VPS53: variants seen among roughly 807,000 people sequenced by gnomAD.
VPS53 encodes vacuolar protein sorting-associated protein 53 homolog.
VPS53 carries 70 observed loss-of-function variants against 107.0 expected under a neutral mutation model. The ratio of observed to expected loss-of-function variants is 0.65; its 90% CI spans 0.54 to 0.80. The LOEUF (loss-of-function observed/expected upper bound fraction) is 0.80, where lower values mean the gene tolerates loss of function less well. VPS53 is among the 30% of genes least tolerant of loss of function. VPS53 has a pLI of 0.00. For missense variants in VPS53, 917 were observed against 1,049.4 expected (o/e 0.87, Z 1.74); for synonymous variants, 409 against 393.3 (o/e 1.04, Z -0.47).
chr17:581,298 C>T (rs1397869242), intron 13 of VPS53, among the ~76,000 whole-genome samples: 1 of 151,902 alleles, frequency 6.6e-6, no homozygotes, highest in Non-Finnish European at 1.5e-5. Context: ...TCAATGCGTT[C>T]CCAGAGAACC....
intron 15 of VPS53, among the ~76,000 whole-genome samples, chr17:556,355 T>C (rs552337440): frequency 7.9e-5 from 12 of 152,324 alleles, no homozygotes; most frequent in African/African-American, 2.4e-4. Flanking sequence ...TCATTATTGG[T>C]TCATTAATTG....
intron 17 of VPS53, among the ~76,000 whole-genome samples, chr17:545,211 T>C (rs1280570330): frequency 6.6e-6 from 1 of 152,108 alleles, no homozygotes; most frequent in African/African-American, 2.4e-5. Context: ...TTCATCACAT[T>C]TTCCTCCCCC....
At chr17:630,268 G>A (rs8071277) in intron 8 of VPS53, among the ~76,000 whole-genome samples, 3,840 of 151,700 alleles carry the variant, frequency 0.025, 61 homozygotes, top group East Asian at 0.069. Context: ...CTCTAGCCTG[G>A]GCCAAAGAGT....
chr17:544,954 G>A (rs1049977006), intron 17 of VPS53, among the ~76,000 whole-genome samples: 19 of 152,082 alleles, frequency 1.2e-4, no homozygotes, highest in East Asian at 3.9e-4. Flanking sequence ...GGTGGTGTGC[G>A]CCAGTAGTAC....
In VPS53 at chr17:606,785, C is replaced by T. The variant is rs139360449; in HGVS notation, c.1117-4889G>A. The stretch of plus-strand genomic sequence containing the variant: ...TCATATGAGAGGTCTAGGTTGCACA[C>T]TCCTTCTGAGAATCCAATGCCTGAT... On this transcript the variant is annotated intron_variant, in intron 11 of 21. Transcript: ENST00000437048. Among the ~76,000 whole-genome samples the T allele has an allele frequency of 3.9e-5, 6 of 152,200 alleles. No homozygotes were observed. The East Asian group carries it at 1.2e-3, about 30-fold the overall frequency.
intron 5 of VPS53, chr17:657,481 AT>A: frequency 6.8e-7 from 1 of 1,466,488 alleles, no homozygotes; most frequent in Non-Finnish European, 9.5e-7. Flanking sequence ...ACACCGGTCA[AT>A]TTATCCAGCA....
At chr17:686,264 G>A (rs370581420) in intron 4 of VPS53, among the ~76,000 whole-genome samples, 33 of 152,156 alleles carry the variant, frequency 2.2e-4, no homozygotes, top group East Asian at 1.2e-3. Context: ...AGGCTAGAGT[G>A]AGCTACGATC....
chr17:538,542 A>G (rs1910299870), intron 17 of VPS53: 1 of 152,254 alleles, frequency 6.6e-6, no homozygotes, highest in South Asian at 2.1e-4. Context: ...AAAGAATCAC[A>G]TCGTACGTGG....
In VPS53 at chr17:525,961, T is replaced by C. The variant is rs111427154; in HGVS notation, c.2086-4223A>G. Among the ~76,000 whole-genome samples, 1,193 of 131,240 alleles carry C rather than the reference T, an allele frequency of 9.1e-3. 18 individuals are homozygous for C. Among genetic ancestry groups the C allele is most frequent in the African/African-American group, 0.034 (1,136 of 33,778 alleles). 86.1% of individuals were successfully genotyped at this position (131,240 alleles called of 152,430 possible). A position where few individuals can be genotyped will look rare whatever the true frequency, so the allele number is the denominator to read the frequency against. On this transcript the variant is annotated intron_variant, in intron 19 of 21. Transcript: ENST00000437048. ...GCAGTGAGCCGAGATCGCGCCATTG[T>C]ACTCCAGACTGGGCAACACGGTGAG... is the stretch of plus-strand genomic sequence containing the variant.
At chr17:569,370 T>C (rs8064649) in intron 13 of VPS53, among the ~76,000 whole-genome samples, 74,545 of 152,046 alleles carry the variant, frequency 0.49, 19,351 homozygotes, top group African/African-American at 0.66. Context: ...GCTGTGGTTA[T>C]ATAAGATGTC....
intron 4 of VPS53, among the ~76,000 whole-genome samples, chr17:678,744 T>C (rs1298826040): frequency 1.3e-5 from 2 of 151,988 alleles, no homozygotes; most frequent in African/African-American, 4.8e-5. Context: ...GTTCACGCCA[T>C]TCTCCTGCCT....
rs756253727 is a variant in VPS53 at position 662,751 on chromosome 17, G to GACAA, written c.286-857_286-856insTTGT. Reference sequence around the variant, plus strand: ...AGGGAGAGAAAGAGAGACAAAGAAAGAGAAAGAAAGAAAGAAAGAAAGAGA... The same window carrying GACAA: ...AGGGAGAGAAAGAGAGACAAAGAAAGACAAAGAAAGAAAGAAAGAAAGAAAGAGA... On this transcript the variant is annotated intron_variant, in intron 4 of 21. Transcript: ENST00000437048. 7.9e-3 allele frequency among the ~76,000 whole-genome samples: 627 copies of GACAA among 79,748 alleles called. 19 individuals are homozygous for GACAA. The highest frequency in any genetic ancestry group is 0.04 in the Middle Eastern group (7 of 174). The allele number at this position is 79,748 out of a possible 152,430, so 52.3% of individuals were successfully genotyped here.
chr17:631,509 T>C (rs1337981670), intron 8 of VPS53, 41 bp downstream of exon 8: 1 of 1,595,236 alleles, frequency 6.3e-7, no homozygotes, highest in African/African-American at 1.3e-5. Context: ...TCGGCAAGGA[T>C]GGTGATCATC....
intron 12 of VPS53, among the ~76,000 whole-genome samples, chr17:592,253 T>C (rs1241969442): frequency 6.6e-6 from 1 of 152,238 alleles, no homozygotes; most frequent in Non-Finnish European, 1.5e-5. Context: ...TAGATCTTCC[T>C]CCATCCTTTC....
intron 6 of VPS53, among the ~76,000 whole-genome samples, chr17:654,415 A>T (rs1009792699): frequency 1.3e-5 from 2 of 152,070 alleles, no homozygotes; most frequent in Non-Finnish European, 2.9e-5. Context: ...TTAAATTTGT[A>T]ATTTATGATT....
chr17:686,155 C>A (rs1972577786), intron 4 of VPS53, among the ~76,000 whole-genome samples: 1 of 151,924 alleles, frequency 6.6e-6, no homozygotes, highest in African/African-American at 2.4e-5. Context: ...TCCATCTCTA[C>A]AAAAAGTGTT....
chr17:524,930 C>T lies in VPS53; in HGVS notation c.2086-3192G>A, dbSNP rs1909021161. ...CTGGAGATGTGTATCACCCATAACA[C>T]AGCATTAATACTTATATCCATTAGA... is the stretch of plus-strand genomic sequence containing the variant. On this transcript the variant is annotated intron_variant, in intron 19 of 21. Coordinates refer to ENST00000437048, the MANE Select transcript of VPS53 (RefSeq NM_001128159.3). This position sits in a 1 kb window ranked among gnomAD's most constrained non-coding sequence, Gnocchi z 4.5. Among the ~76,000 whole-genome samples the T allele has an allele frequency of 2.0e-5, 3 of 152,210 alleles. No homozygotes were observed. Among genetic ancestry groups the T allele is most frequent in the African/African-American group, 4.8e-5 (2 of 41,440 alleles).
chr17:654,703 C>G (rs2143516012), intron 6 of VPS53, among the ~76,000 whole-genome samples: 1 of 145,620 alleles, frequency 6.9e-6, no homozygotes, highest in Non-Finnish European at 1.5e-5. Context: ...CGCCACTGCA[C>G]TCCAGCCTGG....
intron 4 of VPS53, chr17:674,032 C>T (rs1176186626): frequency 6.6e-6 from 1 of 152,190 alleles, no homozygotes; most frequent in African/African-American, 2.4e-5. Context: ...ACAAGCTAGC[C>T]CTGAAATAGC....
Sources: gnomAD v4.1 joint callset for allele counts (sites outside exome capture counted in the v4.1 genomes callset) on GRCh38, gnomAD v4.1.1 for gene constraint, Gnocchi (gnomAD v3.1) non-coding constraint, MANE v1.5 for transcripts, NCBI Gene and HGNC (gene_info 2026-07-23, HGNC 2026-07-21) for gene names.